Variants in TAF3 observed in about 807,000 individuals in gnomAD.
The protein encoded by TAF3 is TATA-box binding protein associated factor 3.
A neutral mutation model predicts 80.6 loss-of-function variants in TAF3; 7 were observed. That is an observed-to-expected ratio of 0.09 (90% CI 0.05 to 0.16). The LOEUF is 0.16. TAF3 is among the 10% of genes least tolerant of loss of function. The pLI, the probability that TAF3 is intolerant of heterozygous loss-of-function variation, is 1.00. For synonymous variants in TAF3, 444 were observed against 446.1 expected (o/e 1.00, Z 0.06); for missense variants, 921 against 1,140.2 (o/e 0.81, Z 2.77).
intron 5 of TAF3, among the ~76,000 whole-genome samples, chr10:8,010,823 T>C (rs1190398605): frequency 1.3e-5 from 2 of 152,102 alleles, no homozygotes; most frequent in Non-Finnish European, 2.9e-5. Flanking sequence ...GGCACAAGAA[T>C]TGCTTGAACG....
intron 1 of TAF3, among the ~76,000 whole-genome samples, chr10:7,819,430 T>A (rs1481127079): frequency 1.3e-5 from 2 of 152,178 alleles, no homozygotes; most frequent in Non-Finnish European, 2.9e-5. Context: ...TTACTGTTTT[T>A]CCAAGGCTGA....
rs1837056928 is a variant in TAF3 at position 7,854,245 on chromosome 10, G to C, written c.409+29685G>C. On this transcript the variant is annotated intron_variant, in intron 2 of 6. Transcript: ENST00000344293. ...GAATTTAGTACTGCACAGGAATTCT[G>C]GTCAGCCAACACATATTTGCAAACA... Among the ~76,000 whole-genome samples, 3 of 152,184 alleles carry C rather than the reference G, an allele frequency of 2.0e-5. No individual in the cohort carries two copies. In the South Asian group the frequency reaches 6.2e-4, roughly 31 times the overall value.
chr10:7,979,460 A>G (rs558550365), intron 4 of TAF3, among the ~76,000 whole-genome samples: 80 of 152,288 alleles, frequency 5.3e-4, no homozygotes, highest in Non-Finnish European at 8.2e-4. Context: ...TTCCCCCTCA[A>G]TAAATCACTC....
intron 2 of TAF3, among the ~76,000 whole-genome samples, chr10:7,892,650 G>C (rs180731528): frequency 3.2e-4 from 48 of 151,938 alleles, no homozygotes; most frequent in Non-Finnish European, 5.4e-4. Context: ...GTAAAGTTTG[G>C]GTTGGTTTTT....
At chr10:7,976,860 T>G (rs1831678564) in intron 3 of TAF3, among the ~76,000 whole-genome samples, 1 of 152,196 alleles carries the variant, frequency 6.6e-6, no homozygotes, top group Admixed American at 6.5e-5. Flanking sequence ...ACAGATGCTT[T>G]TATCTTATAG....
chr10:7,958,999 G>A (rs1185427208), intron 2 of TAF3, among the ~76,000 whole-genome samples: 1 of 152,030 alleles, frequency 6.6e-6, no homozygotes, highest in African/African-American at 2.4e-5. Context: ...AATTAGCCGG[G>A]CGTGGTGACG....
Position 7,832,030 on chromosome 10 carries a change from T to A in TAF3, c.409+7470T>A, listed in dbSNP as rs1477120586. Among the ~76,000 whole-genome samples, 3 of 152,304 alleles carry A rather than the reference T, an allele frequency of 2.0e-5. No homozygotes were observed. In the East Asian group the frequency reaches 5.8e-4, roughly 29 times the overall value. ...TACCTGTCACCTCAAATGCCTATCG[T>A]TTTTTGTGGAGAGAACATTTAAAAC... On this transcript the variant is annotated intron_variant, in intron 2 of 6. Transcript: ENST00000344293.
At chr10:7,997,939 G>A (rs1295458754) in intron 4 of TAF3, among the ~76,000 whole-genome samples, 2 of 152,138 alleles carry the variant, frequency 1.3e-5, no homozygotes, top group Non-Finnish European at 1.5e-5. Context: ...TATCTCACAA[G>A]TGATGAAAAA....
intron 2 of TAF3, chr10:7,833,890 C>A: frequency 2.5e-6 from 2 of 811,628 alleles, no homozygotes; most frequent in South Asian, 8.4e-5. Flanking sequence ...GAGCGGTACC[C>A]CTTCAGCCGC....
intron 4 of TAF3, among the ~76,000 whole-genome samples, chr10:7,988,679 A>G (rs1472733973): frequency 2.9e-5 from 4 of 138,220 alleles, no homozygotes; most frequent in African/African-American, 8.1e-5. Context: ...TGAGCCCAGG[A>G]GTTTGAGGCT....
At chr10:7,992,378 G>A (rs1831843399) in intron 4 of TAF3, among the ~76,000 whole-genome samples, 1 of 152,184 alleles carries the variant, frequency 6.6e-6, no homozygotes, top group South Asian at 2.1e-4. Context: ...TAGTAGACTT[G>A]AAAATAGTGA....
rs1218836662 is a variant in TAF3, at chr10:7,863,626, A to AAAAAAT, written c.409+39067_409+39068insAAAATA. Among the ~76,000 whole-genome samples, 79 of 48,060 alleles carry AAAAAAT rather than the reference A, an allele frequency of 1.6e-3. 2 individuals carry two copies. The highest frequency in any genetic ancestry group is 3.1e-3 in the East Asian group (3 of 970). 31.5% of individuals were successfully genotyped at this position (48,060 alleles called of 152,430 possible). On this transcript the variant is annotated intron_variant, in intron 2 of 6. Transcript: ENST00000344293. ...CTCTGTCTAAAAAAAAAAAAAAAAA[A>AAAAAAT]ATATATATATATATATATATACACA...
chr10:7,955,008 A>G (rs1180816086), intron 2 of TAF3, among the ~76,000 whole-genome samples: 1 of 143,956 alleles, frequency 6.9e-6, no homozygotes, highest in Non-Finnish European at 1.5e-5. Context: ...AGGTGAATGA[A>G]TGAATTAGTC....
chr10:7,899,691 A>G (rs117376494), intron 2 of TAF3, among the ~76,000 whole-genome samples: 584 of 152,330 alleles, frequency 3.8e-3, no homozygotes, highest in Middle Eastern at 6.8e-3. Flanking sequence ...CAGTAAACAT[A>G]TTACTAAATA....
chr10:7,839,464 T>C (rs1303349816), intron 2 of TAF3, among the ~76,000 whole-genome samples: 1 of 152,184 alleles, frequency 6.6e-6, no homozygotes, highest in Non-Finnish European at 1.5e-5. Flanking sequence ...GGAAAGTTTT[T>C]CAGAATAATG....
intron 2 of TAF3, among the ~76,000 whole-genome samples, chr10:7,844,930 G>A (rs1244491): frequency 0.47 from 71,512 of 151,888 alleles, 17,060 homozygotes; most frequent in South Asian, 0.64. Context: ...TTAAAATATT[G>A]CAATGTTGCA....
At chr10:7,965,774 A>T in intron 3 of TAF3, 32 bp downstream of exon 3, 2 of 1,499,512 alleles carry the variant, frequency 1.3e-6, no homozygotes, top group Non-Finnish European at 8.8e-7. Context: ...GCCCTATCTG[A>T]ACAGAGTCCT....
At chr10:7,884,323 G>C (rs1459846089) in intron 2 of TAF3, among the ~76,000 whole-genome samples, 1 of 151,098 alleles carries the variant, frequency 6.6e-6, no homozygotes, top group East Asian at 1.9e-4. Context: ...CCAAGAAGAT[G>C]ATCTAGGCTC....
At chr10:7,893,210 A>G (rs1337886968) in intron 2 of TAF3, among the ~76,000 whole-genome samples, 1 of 152,226 alleles carries the variant, frequency 6.6e-6, no homozygotes, top group African/African-American at 2.4e-5. Context: ...ATTGCAGATT[A>G]CTTCTAGAAC....
Sources: allele counts gnomAD v4.1 joint callset (sites outside exome capture counted in the v4.1 genomes callset), GRCh38; gene constraint gnomAD v4.1.1; transcripts MANE v1.5; gene names NCBI Gene and HGNC (gene_info 2026-07-23, HGNC 2026-07-21).